The following TMEM87A variants were observed in gnomAD, a reference collection of about 807,000 sequenced individuals.
TMEM87A encodes Golgi-pH regulating cation channel.
TMEM87A carries 50 observed loss-of-function variants against 90.0 expected under a neutral mutation model. The observed-to-expected ratio is 0.56, with a 90% confidence interval of 0.44 to 0.70. The LOEUF (loss-of-function observed/expected upper bound fraction) is 0.70, where lower values mean the gene tolerates loss of function less well. Ranked by LOEUF, TMEM87A falls within the 30% of genes least tolerant of loss-of-function variation. TMEM87A has a pLI of 0.00. For synonymous variants in TMEM87A, 226 were observed against 226.7 expected (o/e 1.00, Z 0.03); for missense variants, 577 against 660.5 (o/e 0.87, Z 1.39).
intron 2 of TMEM87A, among the ~76,000 whole-genome samples, chr15:42,270,206 G>A (rs1480836694): frequency 2.6e-5 from 4 of 151,572 alleles, no homozygotes; most frequent in Admixed American, 2.0e-4. Context: ...CCCCACCTCT[G>A]CTAAAAATAC....
intron 10 of TMEM87A, among the ~76,000 whole-genome samples, chr15:42,234,076 C>T (rs1376858588): frequency 6.6e-6 from 1 of 152,124 alleles, no homozygotes; most frequent in Non-Finnish European, 1.5e-5. Flanking sequence ...GCCACTGTGC[C>T]TGGCCCACAA....
intron 6 of TMEM87A, among the ~76,000 whole-genome samples, chr15:42,256,769 G>C (rs1006265901): frequency 6.6e-6 from 1 of 152,158 alleles, no homozygotes; most frequent in Non-Finnish European, 1.5e-5. Context: ...ATCGCCTAGA[G>C]TGAAGTGGTG....
chr15:42,254,052 C>CT (rs538282508), intron 6 of TMEM87A, among the ~76,000 whole-genome samples: 464 of 147,298 alleles, frequency 3.2e-3, no homozygotes, highest in Middle Eastern at 7.2e-3. Context: ...CTATTTTTTT[C>CT]TTTTTTTTTT....
At chr15:42,270,094 G>T (rs1375642920) in intron 2 of TMEM87A, among the ~76,000 whole-genome samples, 1 of 152,158 alleles carries the variant, frequency 6.6e-6, no homozygotes, top group African/African-American at 2.4e-5. Context: ...CTCAGGCCGG[G>T]CACGGTGGCT....
rs1392049895 is a variant in TMEM87A at position 42,211,635 on chromosome 15, G to A, written c.*73C>T. 12 of 1,450,084 alleles carry A rather than the reference G, an allele frequency of 8.3e-6. No individual in the cohort carries two copies. The highest frequency in any genetic ancestry group is 2.3e-5 in the South Asian group (2 of 85,672). 89.8% of individuals were successfully genotyped at this position (1,450,084 alleles called of 1,614,324 possible). A position where few individuals can be genotyped will look rare whatever the true frequency, so the allele number is the denominator to read the frequency against. ...TTGCTTCCTTTAATCCCATGGAGCC[G>A]TACAGAAGACTGACACAGATGCTGA... On this transcript the variant is annotated 3_prime_UTR_variant, in exon 20 of 20. Transcript: ENST00000389834.
intron 3 of TMEM87A, 35 bp from the exon 4 acceptor site, chr15:42,264,238 C>G: frequency 6.8e-7 from 1 of 1,460,516 alleles, no homozygotes; most frequent in Non-Finnish European, 9.5e-7. Flanking sequence ...AGTTAACTCA[C>G]CTTCCAAAAA....
chr15:42,219,280 C>G (rs2050432203), intron 17 of TMEM87A, among the ~76,000 whole-genome samples: 1 of 152,116 alleles, frequency 6.6e-6, no homozygotes, highest in South Asian at 2.1e-4. Context: ...CTACTGAGTT[C>G]CTTATATAAA....
At chr15:42,224,546 A>T (rs1359371051) in intron 15 of TMEM87A, 2 of 152,206 alleles carry the variant, frequency 1.3e-5, no homozygotes, top group African/African-American at 4.8e-5. Context: ...TTTTGTTGTA[A>T]TACACCTTAA....
intron 15 of TMEM87A, among the ~76,000 whole-genome samples, chr15:42,226,257 C>T (rs2050589896): frequency 6.6e-6 from 1 of 151,952 alleles, no homozygotes; most frequent in Admixed American, 6.6e-5. Context: ...GCCTTGGCCT[C>T]CCAAAGTGCT....
At chr15:42,257,942 A>T in intron 6 of TMEM87A, 1 of 983,848 alleles carries the variant, frequency 1.0e-6, no homozygotes, top group Non-Finnish European at 1.2e-6. Flanking sequence ...CTATTAGAAC[A>T]TAAAATTACA....
chr15:42,212,649 T>C (rs1339381540), intron 19 of TMEM87A, among the ~76,000 whole-genome samples: 1 of 152,236 alleles, frequency 6.6e-6, no homozygotes, highest in East Asian at 1.9e-4. Context: ...AGAAACTGCA[T>C]ATAGAACATC....
rs1248672136 is a variant in TMEM87A, at chr15:42,242,020, T to C, written c.622+2030A>G. Among the ~76,000 whole-genome samples, 5 of 134,106 alleles carry C rather than the reference T, an allele frequency of 3.7e-5. No individual in the cohort carries two copies. In the East Asian group the frequency reaches 1.1e-3, roughly 29 times the overall value. The allele number at this position is 134,106 out of a possible 152,430, so 88.0% of individuals were successfully genotyped here. A position where few individuals can be genotyped will look rare whatever the true frequency, so the allele number is the denominator to read the frequency against. On this transcript the variant is annotated intron_variant, in intron 7 of 19. Transcript: ENST00000389834. ...AGTCAGAGGTTGCAATGAGTCAAGA[T>C]CACACCACTGCACTCCAGCCTGGGT... is the stretch of plus-strand genomic sequence containing the variant.
intron 6 of TMEM87A, among the ~76,000 whole-genome samples, chr15:42,251,115 C>A (rs908875979): frequency 6.6e-6 from 1 of 152,180 alleles, no homozygotes; most frequent in African/African-American, 2.4e-5. Context: ...CTTCTCTACA[C>A]TGTTTATTCT....
rs1295684096 is a variant in TMEM87A, at chr15:42,237,591, A to G, written c.709T>C (p.Tyr237His). 1 of 1,609,218 alleles carries G rather than the reference A, an allele frequency of 6.2e-7. No homozygotes were observed. The highest frequency in any genetic ancestry group is 1.1e-5 in the South Asian group (1 of 90,022). The change falls in exon 9 of 20, where the codon TAT becomes CAT. Residue 237 changes from tyrosine (Y) to histidine (H), a missense_variant. Transcript: ENST00000389834. ...MIFFMVMCIV[Y>H]VLFGVLWLAW... ...AGCCACAGAACACCAAACAGGACAT[A>G]TACAATACACATCACCATGAAAAAC...
chr15:42,212,849 C>T (rs752246552), intron 19 of TMEM87A, among the ~76,000 whole-genome samples: 2 of 152,164 alleles, frequency 1.3e-5, no homozygotes, highest in Non-Finnish European at 2.9e-5. Flanking sequence ...AATTGTTTCT[C>T]CTGTAATTCA....
In TMEM87A at chr15:42,231,235, G is replaced by T. The variant is rs2050681406; in HGVS notation, c.1088C>A (p.Ala363Asp). ...GTCTAGGAAAGCCAAGGGGATAAAG[G>T]CCAAGGAAGCAAGATCAGTCTGGGC... ...TGAQTDLASL[A>D]FIPLAFLDTA... Residue 363 changes from alanine to aspartate, a missense_variant, in exon 12 of 20, where the codon GCC becomes GAC. By Grantham distance (126) the Ala-to-Asp change is moderately radical. Transcript: ENST00000389834. 1.3e-6 allele frequency: 2 copies of T among 1,591,310 alleles called. No individual in the cohort carries two copies. Among genetic ancestry groups the T allele is most frequent in the South Asian group, 1.1e-5 (1 of 87,478 alleles).
At chr15:42,220,885 G>A (rs1019667535) in intron 15 of TMEM87A, among the ~76,000 whole-genome samples, 12 of 151,952 alleles carry the variant, frequency 7.9e-5, no homozygotes, top group East Asian at 3.9e-4. Flanking sequence ...TCCGCCTCCC[G>A]GGTTCACACC....
chr15:42,264,699 A>T (rs370327771), intron 3 of TMEM87A, among the ~76,000 whole-genome samples: 1,327 of 109,440 alleles, frequency 0.012, 23 homozygotes, highest in African/African-American at 0.038. Flanking sequence ...ATATATATAT[A>T]TTTTTTTTTT....
intron 7 of TMEM87A, among the ~76,000 whole-genome samples, chr15:42,242,011 G>A (rs1280131296): frequency 6.8e-6 from 1 of 147,768 alleles, no homozygotes; most frequent in Non-Finnish European, 1.5e-5. Context: ...AGGTTGCAAT[G>A]AGTCAAGATC....
Sources: allele counts gnomAD v4.1 joint callset (sites outside exome capture counted in the v4.1 genomes callset), GRCh38; gene constraint gnomAD v4.1.1; transcripts MANE v1.5; gene names NCBI Gene and HGNC (gene_info 2026-07-23, HGNC 2026-07-21).